The following PLB1 variants were observed in gnomAD, a reference collection of about 807,000 sequenced individuals.
PLB1 encodes the protein phospholipase B1.
In PLB1, 242 loss-of-function variants were observed where a neutral mutation model predicts 227.4. The ratio of observed to expected loss-of-function variants is 1.06; its 90% CI spans 0.96 to 1.18. The LOEUF (loss-of-function observed/expected upper bound fraction) is 1.18, where lower values mean the gene tolerates loss of function less well. Among genes scored for constraint, PLB1 ranks in the 50% most tolerant of loss-of-function variants. The pLI is 0.00. For synonymous variants in PLB1, 757 were observed against 682.2 expected, an observed-to-expected ratio of 1.11 and a Z score of -1.71; for missense variants, 1,858 against 1,816.3, an observed-to-expected ratio of 1.02 and a Z score of -0.42.
intron 9 of PLB1, 140 bp from the exon 10 acceptor site, chr2:28,538,179 T>C: frequency 3.2e-6 from 3 of 950,846 alleles, no homozygotes; most frequent in Non-Finnish European, 5.0e-6. Context: ...AATTCTGTCC[T>C]CCTTTGTGGA....
intron 1 of PLB1, among the ~76,000 whole-genome samples, chr2:28,502,946 C>T (rs528555985): frequency 1.3e-5 from 2 of 152,092 alleles, no homozygotes; most frequent in African/African-American, 4.8e-5. Context: ...CTTAAATCCA[C>T]TTTGGAAAGT....
chr2:28,508,065 T>C (rs910765973), intron 1 of PLB1, among the ~76,000 whole-genome samples: 20 of 152,192 alleles, frequency 1.3e-4, no homozygotes, highest in Admixed American at 2.0e-4. Context: ...GGCAAAACAA[T>C]AGATTTCTTC....
intron 20 of PLB1, among the ~76,000 whole-genome samples, chr2:28,570,635 A>C (rs180933583): frequency 5.8e-4 from 88 of 152,218 alleles, no homozygotes; most frequent in African/African-American, 2.0e-3. Flanking sequence ...AAAACACAAA[A>C]ATTAGTTGGG....
intron 49 of PLB1, 33 bp downstream of exon 49, chr2:28,621,011 A>G: frequency 1.9e-6 from 3 of 1,548,776 alleles, no homozygotes; most frequent in Non-Finnish European, 2.6e-6. Context: ...GGCGAGTGGA[A>G]GGCAAGACTG....
rs372131944 is a variant in PLB1 at position 28,550,030 on chromosome 2, C to G, written c.1029C>G (p.Ser343Arg). 1.4e-5 allele frequency: 22 copies of G among 1,613,336 alleles called. No homozygotes were observed. Among genetic ancestry groups the G allele is most frequent in the Non-Finnish European group, 1.9e-5 (22 of 1,179,464 alleles). ...CPSQESPYLF[S>R]YRNSNYLTRL... ...TGCAGGAGAGCCCCTATCTGTTCAG[C>G]TACAGAAACAGCAACTACCTGACCA... The change falls in exon 16 of 58, where the codon AGC becomes AGG. Residue 343 changes from serine to arginine, a missense_variant. Physicochemically the swap from Ser to Arg is moderately radical, Grantham distance 110. Transcript: ENST00000327757.
intron 49 of PLB1, among the ~76,000 whole-genome samples, chr2:28,622,954 G>A (rs562368220): frequency 4.4e-4 from 67 of 152,300 alleles, no homozygotes; most frequent in Non-Finnish European, 5.1e-4. Flanking sequence ...CCCTGGCCAC[G>A]AAGAGCTTGC....
At chr2:28,561,192 GA>G (rs1676008237) in intron 17 of PLB1, among the ~76,000 whole-genome samples, 1 of 152,160 alleles carries the variant, frequency 6.6e-6, no homozygotes. Flanking sequence ...CTTAGCTTGT[GA>G]GCTTTTTGAG....
intron 3 of PLB1, 100 bp from the exon 4 acceptor site, chr2:28,519,604 AG>A: frequency 1.1e-6 from 1 of 870,754 alleles, no homozygotes; most frequent in African/African-American, 1.7e-5. Flanking sequence ...GCAGCTGTCC[AG>A]GGGCTGGGGA....
intron 33 of PLB1, 193 bp downstream of exon 33, chr2:28,593,947 C>CATTT: frequency 1.6e-6 from 1 of 618,344 alleles, no homozygotes. Context: ...TGTTGATAAT[C>CATTT]TTTTTTTTTT....
chr2:28,550,966 C>G (rs906695968), intron 16 of PLB1, among the ~76,000 whole-genome samples: 1 of 152,162 alleles, frequency 6.6e-6, no homozygotes, highest in African/African-American at 2.4e-5. Context: ...GTGGCCATCC[C>G]CTGGGTGCCT....
intron 17 of PLB1, among the ~76,000 whole-genome samples, chr2:28,555,141 C>CTTT (rs3041204): frequency 0.037 from 4,452 of 120,154 alleles, 257 homozygotes; most frequent in Middle Eastern, 0.075. Flanking sequence ...TGCCAGTGAT[C>CTTT]TTTTTTTTTT....
In PLB1 at chr2:28,565,319, G is replaced by GACGTCTTGA. The variant is rs1676700657; in HGVS notation, c.1247_1255dup (p.Leu418_Thr419insAsnValLeu). ...CGGGTCCACACCTGGGAACGTCTTGGACGTCTTGACTCAGTACCGAGGCCT... is the reference window on the plus strand; with the variant it reads ...CGGGTCCACACCTGGGAACGTCTTGGACGTCTTGAACGTCTTGACTCAGTACCGAGGCCT... On this transcript the variant is annotated inframe_insertion, in exon 19 of 58. Coordinates refer to ENST00000327757, the MANE Select transcript of PLB1 (RefSeq NM_153021.5). 1 of 1,611,840 alleles carries GACGTCTTGA rather than the reference G, an allele frequency of 6.2e-7. No individual in the cohort carries two copies. Among genetic ancestry groups the GACGTCTTGA allele is most frequent in the African/African-American group, 1.3e-5 (1 of 75,034 alleles).
chr2:28,625,105 C>T lies in PLB1; in HGVS notation c.3576C>T (p.Ser1192=). Residue 1192 remains serine, a synonymous_variant, in exon 50 of 58, where the codon AGC becomes AGT. Transcript: ENST00000327757. ...AWDLVERMKN[S]PDINLEKDWK... is the part of the protein sequence containing the mutation. ...ACCTGGTAGAGCGAATGAAAAACAG[C>T]CCCGTGAGTACAGGCCCCCAGGCCA... 1 of 1,613,124 alleles carries T rather than the reference C, an allele frequency of 6.2e-7. No homozygotes were observed. The highest frequency in any genetic ancestry group is 2.2e-5 in the East Asian group (1 of 44,796).
intron 1 of PLB1, among the ~76,000 whole-genome samples, chr2:28,501,816 C>T (rs1221304707): frequency 6.6e-6 from 1 of 151,926 alleles, no homozygotes; most frequent in Non-Finnish European, 1.5e-5. Flanking sequence ...TTATTTTTTT[C>T]CAACTGCAGA....
chr2:28,588,335 C>A (rs1681273154), intron 26 of PLB1, among the ~76,000 whole-genome samples: 1 of 152,176 alleles, frequency 6.6e-6, no homozygotes, highest in Non-Finnish European at 1.5e-5. Context: ...AAGCAGCATG[C>A]TGGAAGTCAC....
intron 4 of PLB1, 40 bp from the exon 5 acceptor site, chr2:28,525,227 C>T (rs777045077): frequency 6.2e-7 from 1 of 1,603,110 alleles, no homozygotes. Flanking sequence ...GGCTCTGCCA[C>T]CTCCCCTGGC....
At chr2:28,577,622 C>T (rs187899332) in intron 21 of PLB1, among the ~76,000 whole-genome samples, 11 of 152,318 alleles carry the variant, frequency 7.2e-5, no homozygotes, top group South Asian at 4.1e-4. Flanking sequence ...GCAGATGGAT[C>T]GTGAGGTCAG....
At chr2:28,532,263 C>T in intron 9 of PLB1, 69 bp downstream of exon 9, 1 of 1,267,826 alleles carries the variant, frequency 7.9e-7, no homozygotes, top group South Asian at 1.3e-5. Flanking sequence ...CTAAACCTGC[C>T]TGATTACCCA....
chr2:28,636,042 T>A lies in PLB1; in HGVS notation c.4098+3003T>A, dbSNP rs909165871. 2.9e-3 allele frequency among the ~76,000 whole-genome samples: 292 copies of A among 100,162 alleles called. 1 individual carries two copies. Among genetic ancestry groups the A allele is most frequent in the Admixed American group, 8.7e-3 (92 of 10,584 alleles). 65.7% of individuals were successfully genotyped at this position (100,162 alleles called of 152,430 possible). A position where few individuals can be genotyped will look rare whatever the true frequency, so the allele number is the denominator to read the frequency against. On this transcript the variant is annotated intron_variant, in intron 56 of 57. Transcript: ENST00000327757. ...GAATGTGTGTGTATGTGTGTGTGTGTATGTATGTGTATGTGTGTATGTATG... is the reference window on the plus strand; with the variant it reads ...GAATGTGTGTGTATGTGTGTGTGTGAATGTATGTGTATGTGTGTATGTATG...
Sources: gnomAD v4.1 joint callset for allele counts (sites outside exome capture counted in the v4.1 genomes callset) on GRCh38, gnomAD v4.1.1 for gene constraint, MANE v1.5 for transcripts, NCBI Gene and HGNC (gene_info 2026-07-23, HGNC 2026-07-21) for gene names.